The following PANK4 variants were observed in gnomAD, a reference collection of about 807,000 sequenced individuals.
PANK4 encodes pantothenate kinase 4 (inactive), also known as 4'-phosphopantetheine phosphatase.
A neutral mutation model predicts 87.9 loss-of-function variants in PANK4; 40 were observed. The ratio of observed to expected loss-of-function variants is 0.46; its 90% CI spans 0.35 to 0.59. The LOEUF is 0.59. Among genes scored for constraint, PANK4 ranks in the 20% least tolerant of loss-of-function variants. The probability of loss-of-function intolerance (pLI) is 0.00; values close to 1 mark genes in which losing one functional copy is unlikely to be tolerated. For synonymous variants in PANK4, 524 were observed against 467.4 expected, an observed-to-expected ratio of 1.12 and a Z score of -1.56; for missense variants, 926 against 1,072.3, an observed-to-expected ratio of 0.86 and a Z score of 1.90.
intron 9 of PANK4, among the ~76,000 whole-genome samples, chr1:2,517,591 G>A (rs1276253790): frequency 2.0e-5 from 3 of 152,224 alleles, no homozygotes; most frequent in Admixed American, 2.0e-4. Context: ...AGGTCCTGGC[G>A]GGGGACCCTT....
At position 2,516,927 on chromosome 1, in the gene PANK4, C is replaced by A. The variant is rs377252336; in HGVS notation, c.1219-1210G>T. Among the ~76,000 whole-genome samples the A allele has an allele frequency of 4.5e-4, 68 of 152,354 alleles. 1 individual carries two copies. Among genetic ancestry groups the A allele is most frequent in the East Asian group, 4.0e-3 (21 of 5,188 alleles). On this transcript the variant is annotated intron_variant, in intron 9 of 18. Transcript: ENST00000378466. The stretch of plus-strand genomic sequence containing the variant: ...CCATCTCTCTGCATGTCAGTTTGAT[C>A]CTCAGTAAGGTGGGGGCCCCTCCTG...
At chr1:2,525,985 G>C (rs374655121) in intron 1 of PANK4, 2 of 152,232 alleles carry the variant, frequency 1.3e-5, no homozygotes, top group African/African-American at 4.8e-5. Flanking sequence ...CGGCCTTTTC[G>C]GGGCCACTCT....
At chr1:2,516,055 C>T (rs960525793) in intron 9 of PANK4, 8 of 383,944 alleles carry the variant, frequency 2.1e-5, no homozygotes, top group Non-Finnish European at 2.9e-5. Context: ...GTAACTCCCT[C>T]CCCCATCACC....
rs368514511 is a variant in PANK4, at chr1:2,511,632, T to C, written c.1779A>G (p.Leu593=). Reference sequence around the variant, plus strand: ...AAGTTACTTGGCCATCCGTACCTTGTAACTTCCTCTTTGCTTCTTCAAACC... The same window carrying C: ...AAGTTACTTGGCCATCCGTACCTTGCAACTTCCTCTTTGCTTCTTCAAACC... The part of the protein sequence containing the change: ...YFGFEEAKRK[L]QERPWLVDSY... Residue 593 remains leucine (L), a synonymous_variant, in exon 14 of 19, where the codon TTA becomes TTG. Coordinates refer to ENST00000378466, the MANE Select transcript of PANK4 (RefSeq NM_018216.4). 1.9e-6 allele frequency: 3 copies of C among 1,606,704 alleles called. No homozygotes were observed. The African/African-American group carries it at 4.0e-5, about 21-fold the overall frequency.
intron 8 of PANK4, 67 bp from the exon 9 acceptor site, chr1:2,518,331 G>T: frequency 8.6e-7 from 1 of 1,158,876 alleles, no homozygotes; most frequent in Non-Finnish European, 1.3e-6. Context: ...GAGAGTGGAG[G>T]AGGAAAGGGT....
At position 2,516,466 on chromosome 1, in the gene PANK4, T is replaced by C. The variant is rs374106032; in HGVS notation, c.1219-749A>G. Reference sequence around the variant, plus strand: ...ACGCACACATCAGTACTCGGCTCTCTGCACGCTCACCGCAGCAGCCGCTGC... The same window carrying C: ...ACGCACACATCAGTACTCGGCTCTCCGCACGCTCACCGCAGCAGCCGCTGC... On this transcript the variant is annotated intron_variant, in intron 9 of 18. Transcript: ENST00000378466. Among the ~76,000 whole-genome samples the C allele has an allele frequency of 6.4e-4, 98 of 152,342 alleles. 1 individual carries two copies. The highest frequency in any genetic ancestry group is 2.4e-3 in the African/African-American group (98 of 41,588).
Position 2,515,678 on chromosome 1 carries a change from C to T in PANK4, c.1258G>A (p.Val420Ile). ...GGGTCCAGGAGGAGCGGCAGGTCAA[C>T]CAGTGGCCTCTCCAGCCGGTCCATT... ...LEMDRLERPL[V>I]DLPLLLDPPS... Residue 420 changes from valine to isoleucine, a missense_variant, in exon 10 of 19, where the codon GTT becomes ATT. Val to Ile is a conservative substitution (Grantham distance 29). Coordinates refer to ENST00000378466, the MANE Select transcript of PANK4 (RefSeq NM_018216.4). The surrounding 1 kb of genome is among the most constrained non-coding windows in gnomAD (Gnocchi z 5.0). 8 of 1,612,470 alleles carry T rather than the reference C, an allele frequency of 5.0e-6. No homozygotes were observed. Among genetic ancestry groups the T allele is most frequent in the Non-Finnish European group, 6.8e-6 (8 of 1,179,850 alleles).
Position 2,518,207 on chromosome 1 carries a change from G to A in PANK4, c.1175C>T (p.Ala392Val). ...CTGCGCCGGGCCGAGCTCGGGTGAT[G>A]CACTCATCAGCCCGGAGCTGCCTGC... Reference protein sequence around the residue: ...NYAGSSGLMSASPELGPAQRA... With the variant: ...NYAGSSGLMSVSPELGPAQRA... The change falls in exon 9 of 19, where the codon GCA becomes GTA. Residue 392 changes from alanine to valine, a missense_variant. By Grantham distance (64) the Ala-to-Val change is moderately conservative. Coordinates refer to ENST00000378466, the MANE Select transcript of PANK4 (RefSeq NM_018216.4). The A allele has an allele frequency of 6.2e-7, 1 of 1,611,252 alleles. No individual in the cohort carries two copies. The highest frequency in any genetic ancestry group is 1.7e-5 in the Admixed American group (1 of 59,980).
intron 7 of PANK4, among the ~76,000 whole-genome samples, 161 bp from the exon 8 acceptor site, chr1:2,518,758 C>T (rs1643831996): frequency 6.6e-6 from 1 of 152,274 alleles, no homozygotes; most frequent in Non-Finnish European, 1.5e-5. Flanking sequence ...GCGCCTGGCA[C>T]CAGAGGGCGG....
At chr1:2,524,233 C>T (rs1239829198) in intron 1 of PANK4, among the ~76,000 whole-genome samples, 1 of 152,138 alleles carries the variant, frequency 6.6e-6, no homozygotes, top group African/African-American at 2.4e-5. Context: ...AGCGTCCCAT[C>T]GAGAGGAAAA....
Position 2,510,524 on chromosome 1 carries a change from G to A in PANK4, c.1938+154C>T. The stretch of plus-strand genomic sequence containing the variant: ...GCTCGGAGCCTCCACCCCAGCAGAT[G>A]ACGGCTCTGGGCCGCCTCCCCCGTG... On this transcript the variant is annotated intron_variant, in intron 16 of 18. Coordinates refer to ENST00000378466, the MANE Select transcript of PANK4 (RefSeq NM_018216.4). The surrounding 1 kb of genome is among the most constrained non-coding windows in gnomAD (Gnocchi z 4.9). 7.7e-6 allele frequency: 5 copies of A among 648,028 alleles called. No individual in the cohort carries two copies. Among genetic ancestry groups the A allele is most frequent in the Non-Finnish European group, 1.4e-5 (5 of 363,810 alleles). 40.1% of individuals were successfully genotyped at this position (648,028 alleles called of 1,614,324 possible).
intron 1 of PANK4, chr1:2,526,001 G>A (rs1207989865): frequency 3.9e-5 from 6 of 152,302 alleles, no homozygotes; most frequent in Non-Finnish European, 1.5e-5. Flanking sequence ...ACTCTGCCAA[G>A]GGCTTCCCGC....
rs1275738864 is a variant in PANK4, at chr1:2,508,634, G to A, written c.*213C>T. 1 of 361,908 alleles carries A rather than the reference G, an allele frequency of 2.8e-6. No individual in the cohort carries two copies. Among genetic ancestry groups the A allele is most frequent in the Non-Finnish European group, 4.8e-6 (1 of 207,110 alleles). The allele number at this position is 361,908 out of a possible 1,614,324, so 22.4% of individuals were successfully genotyped here. ...TATTTATATATATATATATATAAAAGGTTCTTTAGCAGTTAAATAGATTCC... is the reference window on the plus strand; with the variant it reads ...TATTTATATATATATATATATAAAAAGTTCTTTAGCAGTTAAATAGATTCC... On this transcript the variant is annotated 3_prime_UTR_variant, in exon 19 of 19. Coordinates refer to ENST00000378466, the MANE Select transcript of PANK4 (RefSeq NM_018216.4). This position sits in a 1 kb window ranked among gnomAD's most constrained non-coding sequence, Gnocchi z 5.1.
At chr1:2,522,561 C>A (rs981661769) in intron 1 of PANK4, among the ~76,000 whole-genome samples, 4 of 151,748 alleles carry the variant, frequency 2.6e-5, no homozygotes, top group Non-Finnish European at 5.9e-5. Context: ...AAGGCCTTTT[C>A]AAGGACAAAT....
In PANK4 at chr1:2,509,117, C is replaced by CT. The variant is rs1254604472; in HGVS notation, c.2109-58_2109-57insA. 1 of 1,383,602 alleles carries CT rather than the reference C, an allele frequency of 7.2e-7. No homozygotes were observed. The highest frequency in any genetic ancestry group is 9.9e-7 in the Non-Finnish European group (1 of 1,005,368). The allele number at this position is 1,383,602 out of a possible 1,614,324, so 85.7% of individuals were successfully genotyped here. ...CAAGCAGACCCCAGACCCCACTTCC[C>CT]ATACAGTGCGGCGACCAACGTGAAG... On this transcript the variant is annotated intron_variant, in intron 18 of 18. Transcript: ENST00000378466. This position sits in a 1 kb window ranked among gnomAD's most constrained non-coding sequence, Gnocchi z 4.9.
In PANK4 at chr1:2,515,277, C is replaced by CT; in HGVS notation, c.1374+284dup. 2 of 632,842 alleles carry CT rather than the reference C, an allele frequency of 3.2e-6. No individual in the cohort carries two copies. The highest frequency in any genetic ancestry group is 5.9e-6 in the Non-Finnish European group (2 of 340,666). 39.2% of individuals were successfully genotyped at this position (632,842 alleles called of 1,614,324 possible). On this transcript the variant is annotated intron_variant, in intron 10 of 18. Transcript: ENST00000378466. The surrounding 1 kb of genome is among the most constrained non-coding windows in gnomAD (Gnocchi z 5.0). ...TCACACCTCAAAAGAGCAGAGACGT[C>CT]TCCTAAATTGCTTTTTGAAGGAATG...
rs1484458034 is a variant in PANK4, at chr1:2,520,758, G to A, written c.571C>T (p.Leu191Phe). ...TNHPHIFPYL[L>F]VNIGSGVSIV... ...GAGACTCCAGAGCCGATATTGACAA[G>A]AAGATAGGGGAAAATGTGGGGGTGG... Residue 191 changes from leucine to phenylalanine, a missense_variant, in exon 4 of 19, where the codon CTT becomes TTT. Physicochemically the swap from Leu to Phe is conservative, Grantham distance 22. Coordinates refer to ENST00000378466, the MANE Select transcript of PANK4 (RefSeq NM_018216.4). This position sits in a 1 kb window ranked among gnomAD's most constrained non-coding sequence, Gnocchi z 6.2. The A allele has an allele frequency of 6.2e-7, 1 of 1,613,466 alleles. No individual in the cohort carries two copies. Among genetic ancestry groups the A allele is most frequent in the East Asian group, 2.2e-5 (1 of 44,884 alleles).
In PANK4 at chr1:2,526,406, C is replaced by A. The variant is rs1319987994; in HGVS notation, c.124+58G>T. On this transcript the variant is annotated intron_variant, in intron 1 of 18. Transcript: ENST00000378466. Reference sequence around the variant, plus strand: ...TTCCCGCCGCCCCCGCTCGCCGGCCCACCGCCGGCGCCCCGCCCGCCCCCG... The same window carrying A: ...TTCCCGCCGCCCCCGCTCGCCGGCCAACCGCCGGCGCCCCGCCCGCCCCCG... 4 of 980,374 alleles carry A rather than the reference C, an allele frequency of 4.1e-6. No homozygotes were observed. In the African/African-American group the frequency reaches 7.1e-5, roughly 17 times the overall value. The allele number at this position is 980,374 out of a possible 1,614,324, so 60.7% of individuals were successfully genotyped here.
chr1:2,519,385 G>C lies in PANK4; in HGVS notation c.854-61C>G, dbSNP rs908703189. On this transcript the variant is annotated intron_variant, in intron 6 of 18. Transcript: ENST00000378466. The surrounding 1 kb of genome is among the most constrained non-coding windows in gnomAD (Gnocchi z 8.3). ...TACAGCAAGTGCACGACATGAGAGCGAGCAGGAGGGGAGGGGGAGAGAGAG... is the reference window on the plus strand; with the variant it reads ...TACAGCAAGTGCACGACATGAGAGCCAGCAGGAGGGGAGGGGGAGAGAGAG... 5.3e-6 allele frequency: 5 copies of C among 949,470 alleles called. No homozygotes were observed. In the African/African-American group the frequency reaches 8.8e-5, roughly 17 times the overall value. The allele number at this position is 949,470 out of a possible 1,614,324, so 58.8% of individuals were successfully genotyped here. A position where few individuals can be genotyped will look rare whatever the true frequency, so the allele number is the denominator to read the frequency against.
Sources: gnomAD v4.1 joint callset for allele counts (sites outside exome capture counted in the v4.1 genomes callset) on GRCh38, gnomAD v4.1.1 for gene constraint, Gnocchi (gnomAD v3.1) non-coding constraint, MANE v1.5 for transcripts, NCBI Gene and HGNC (gene_info 2026-07-23, HGNC 2026-07-21) for gene names.